The following NCOR1 variants were observed in gnomAD, a reference collection of about 807,000 sequenced individuals.
NCOR1 encodes protein phosphatase 1, regulatory subunit 109.
Under a neutral mutation model 288.1 loss-of-function variants are expected in NCOR1, and 63 were observed. The ratio of observed to expected loss-of-function variants is 0.22; its 90% CI spans 0.18 to 0.27. NCOR1 has a LOEUF of 0.27. NCOR1 is among the 10% of genes least tolerant of loss of function. NCOR1 has a pLI of 1.00. For synonymous variants in NCOR1, 1,007 were observed against 1,065.9 expected (o/e 0.94, Z 1.08); for missense variants, 2,397 against 3,019.2 (o/e 0.79, Z 4.83).
intron 5 of NCOR1, among the ~76,000 whole-genome samples, chr17:16,162,062 A>G (rs879069454): frequency 1.3e-5 from 2 of 152,190 alleles, no homozygotes; most frequent in Admixed American, 1.3e-4. Flanking sequence ...GGCATATAAT[A>G]AAAATTTAAT....
chr17:16,118,572 C>T (rs192639948), intron 17 of NCOR1, among the ~76,000 whole-genome samples: 1 of 152,274 alleles, frequency 6.6e-6, no homozygotes, highest in Admixed American at 6.5e-5. Context: ...TAACACTTCT[C>T]TAATCAATAT....
chr17:16,171,682 C>T (rs897993063), intron 4 of NCOR1, 121 bp downstream of exon 4: 1 of 904,290 alleles, frequency 1.1e-6, no homozygotes, highest in South Asian at 3.7e-5. Context: ...TTTTTACTTT[C>T]CCATACCACT....
intron 8 of NCOR1, 67 bp downstream of exon 8, chr17:16,151,879 C>G: frequency 8.2e-7 from 1 of 1,213,880 alleles, no homozygotes; most frequent in South Asian, 1.3e-5. Flanking sequence ...CAGCAGATAA[C>G]AAAAATGATC....
intron 4 of NCOR1, among the ~76,000 whole-genome samples, chr17:16,167,626 G>A (rs866319565): frequency 1.1e-4 from 17 of 151,758 alleles, no homozygotes; most frequent in South Asian, 2.1e-4. Flanking sequence ...TTGGGAGGCC[G>A]AGGCGGGCAG....
At position 16,137,419 on chromosome 17, in the gene NCOR1, G is replaced by A. The variant is rs1388208435; in HGVS notation, c.1408-7C>T. The A allele has an allele frequency of 2.1e-6, 3 of 1,407,004 alleles. No homozygotes were observed. In the South Asian group the frequency reaches 4.3e-5, roughly 20 times the overall value. The allele number at this position is 1,407,004 out of a possible 1,614,324, so 87.2% of individuals were successfully genotyped here. A position where few individuals can be genotyped will look rare whatever the true frequency, so the allele number is the denominator to read the frequency against. ...AAACACAATCAGGAACACTCTGTAA[G>A]AAATAAAACAATTATTTTTGAGGAT... On this transcript the variant is annotated splice_region_variant and splice_polypyrimidine_tract_variant and intron_variant, in intron 13 of 45. Coordinates refer to ENST00000268712, the MANE Select transcript of NCOR1 (RefSeq NM_006311.4).
chr17:16,166,730 CT>C (rs1461368822), intron 4 of NCOR1, among the ~76,000 whole-genome samples: 6 of 151,550 alleles, frequency 4.0e-5, no homozygotes, highest in African/African-American at 1.2e-4. Flanking sequence ...CTTTATCAAC[CT>C]TTTTTTCTCC....
intron 5 of NCOR1, among the ~76,000 whole-genome samples, chr17:16,163,252 A>G (rs181423367): frequency 6.1e-4 from 93 of 152,308 alleles, no homozygotes; most frequent in African/African-American, 2.0e-3. Flanking sequence ...ATGAGAGAAA[A>G]TATCTATTAA....
chr17:16,199,210 A>ACACACACACACACACACACACAC (rs1555813660), intron 1 of NCOR1, among the ~76,000 whole-genome samples: 7 of 109,128 alleles, frequency 6.4e-5, no homozygotes, highest in African/African-American at 2.5e-4. Context: ...GAAGGAAAAA[A>ACACACACACACACACACACACAC]AAAAAAACAC....
At chr17:16,120,530 G>C (rs1402034821) in intron 16 of NCOR1, among the ~76,000 whole-genome samples, 4 of 151,974 alleles carry the variant, frequency 2.6e-5, no homozygotes, top group African/African-American at 9.7e-5. Flanking sequence ...CATTAATCTA[G>C]CCTTTTTATA....
chr17:16,128,996 G>T (rs543153855), intron 14 of NCOR1, among the ~76,000 whole-genome samples: 36 of 151,942 alleles, frequency 2.4e-4, no homozygotes, highest in African/African-American at 7.2e-4. Flanking sequence ...TTCTCTTTTG[G>T]TGTTATGGAA....
chr17:16,127,314 T>TATGTATATATGTATGTATATATAC (rs2074445851), intron 14 of NCOR1, among the ~76,000 whole-genome samples: 1 of 44,034 alleles, frequency 2.3e-5, no homozygotes, highest in East Asian at 2.6e-4. Flanking sequence ...TATATACATG[T>TATGTATATATGTATGTATATATAC]ATGTATATAT....
At chr17:16,081,174 T>TTTTTC (rs201790466) in intron 23 of NCOR1, among the ~76,000 whole-genome samples, 6 of 150,378 alleles carry the variant, frequency 4.0e-5, no homozygotes, top group Non-Finnish European at 8.9e-5. Flanking sequence ...TCAACCTTTT[T>TTTTTC]TTTTCTTTTC....
At chr17:16,047,495 C>T (rs1353663122) in intron 41 of NCOR1, among the ~76,000 whole-genome samples, 1 of 152,076 alleles carries the variant, frequency 6.6e-6, no homozygotes, top group East Asian at 1.9e-4. Context: ...TTTAAGTACA[C>T]TAAAATTAAA....
intron 18 of NCOR1, among the ~76,000 whole-genome samples, chr17:16,111,881 T>G (rs1568091787): frequency 6.6e-6 from 1 of 152,238 alleles, no homozygotes; most frequent in South Asian, 2.1e-4. Context: ...TTTTTATTTT[T>G]ATTTTTCAGA....
intron 45 of NCOR1, 94 bp from the exon 46 acceptor site, chr17:16,032,577 G>A: frequency 8.1e-7 from 1 of 1,240,732 alleles, no homozygotes; most frequent in East Asian, 2.5e-5. Flanking sequence ...TAGGATTATT[G>A]TAAAATGGTC....
intron 42 of NCOR1, among the ~76,000 whole-genome samples, chr17:16,043,549 T>C (rs1033181940): frequency 2.0e-5 from 3 of 152,234 alleles, no homozygotes; most frequent in African/African-American, 4.8e-5. Flanking sequence ...CCCAACATAG[T>C]ACGCTACTGA....
intron 7 of NCOR1, among the ~76,000 whole-genome samples, 191 bp from the exon 8 acceptor site, chr17:16,152,189 T>TAC (rs2078973241): frequency 6.6e-6 from 1 of 152,224 alleles, no homozygotes; most frequent in Non-Finnish European, 1.5e-5. Context: ...AGTTCTAGGG[T>TAC]ACACGTGCAC....
At chr17:16,201,546 C>G (rs943193925) in intron 1 of NCOR1, among the ~76,000 whole-genome samples, 12 of 152,170 alleles carry the variant, frequency 7.9e-5, no homozygotes, top group South Asian at 2.1e-4. Flanking sequence ...TGCAGTGAGA[C>G]AAGATCATGC....
At chr17:16,117,790 C>G (rs980840079) in intron 18 of NCOR1, 98 bp downstream of exon 18, 5 of 1,346,266 alleles carry the variant, frequency 3.7e-6, no homozygotes, top group Non-Finnish European at 5.0e-6. Flanking sequence ...CTGCTGCACT[C>G]TAGCCTGGGT....
Sources: allele counts gnomAD v4.1 joint callset (sites outside exome capture counted in the v4.1 genomes callset), GRCh38; gene constraint gnomAD v4.1.1; transcripts MANE v1.5; gene names NCBI Gene and HGNC (gene_info 2026-07-23, HGNC 2026-07-21).